CACNA1A: variants seen among roughly 807,000 people sequenced by gnomAD.
CACNA1A encodes voltage-dependent P/Q-type calcium channel subunit alpha-1A.
In CACNA1A, 57 loss-of-function variants were observed where a neutral mutation model predicts 262.4. That is an observed-to-expected ratio of 0.22 (90% CI 0.18 to 0.27). The LOEUF is 0.27. Ranked by LOEUF, CACNA1A falls within the 10% of genes least tolerant of loss-of-function variation. CACNA1A has a pLI of 1.00. For missense variants in CACNA1A, 2,526 were observed against 3,562.8 expected, an observed-to-expected ratio of 0.71 and a Z score of 7.41; for synonymous variants, 1,431 against 1,419.3, an observed-to-expected ratio of 1.01 and a Z score of -0.18.
At chr19:13,266,956 C>G (rs1418586099) in intron 24 of CACNA1A, among the ~76,000 whole-genome samples, 1 of 152,188 alleles carries the variant, frequency 6.6e-6, no homozygotes, top group African/African-American at 2.4e-5. Flanking sequence ...TCTGCAAGAA[C>G]TGGTGGGGCA....
intron 3 of CACNA1A, among the ~76,000 whole-genome samples, chr19:13,446,982 G>C (rs2060827508): frequency 6.6e-6 from 1 of 151,996 alleles, no homozygotes; most frequent in Non-Finnish European, 1.5e-5. Flanking sequence ...AATAAAATTT[G>C]AGCAATGTGC....
intron 24 of CACNA1A, among the ~76,000 whole-genome samples, chr19:13,270,359 A>G (rs2056986029): frequency 7.1e-6 from 1 of 140,490 alleles, no homozygotes; most frequent in South Asian, 2.2e-4. Context: ...CAGAGGACAG[A>G]CAAAGCAAGT....
chr19:13,238,749 C>T (rs991671319), intron 31 of CACNA1A, among the ~76,000 whole-genome samples: 24 of 152,234 alleles, frequency 1.6e-4, no homozygotes, highest in Middle Eastern at 6.8e-3. Flanking sequence ...CCACGCCTGG[C>T]TAATTTTTGT....
At chr19:13,208,722 A>T in intron 46 of CACNA1A, 34 bp downstream of exon 46, 1 of 1,540,356 alleles carries the variant, frequency 6.5e-7, no homozygotes, top group Non-Finnish European at 8.7e-7. Flanking sequence ...CTCCCGGCCG[A>T]GCCCAGCCTG....
chr19:13,253,834 G>A (rs909655442), intron 29 of CACNA1A, among the ~76,000 whole-genome samples: 3 of 152,002 alleles, frequency 2.0e-5, no homozygotes, highest in Admixed American at 6.6e-5. Context: ...CCGCCCCCTG[G>A]GTTCAAGCGA....
chr19:13,275,970 G>A lies in CACNA1A; in HGVS notation c.3883-14C>T. The A allele has an allele frequency of 1.3e-6, 2 of 1,579,892 alleles. No individual in the cohort carries two copies. Among genetic ancestry groups the A allele is most frequent in the Non-Finnish European group, 1.7e-6 (2 of 1,149,306 alleles). ...CAGGTCAATCATCTGTGGGGGAGAAGAGAGGGTGCTCAGAACCCCCACCTG... is the reference window on the plus strand; with the variant it reads ...CAGGTCAATCATCTGTGGGGGAGAAAAGAGGGTGCTCAGAACCCCCACCTG... On this transcript the variant is annotated splice_polypyrimidine_tract_variant and intron_variant, in intron 23 of 46. Coordinates refer to ENST00000360228, the MANE Select transcript of CACNA1A (RefSeq NM_001127222.2).
Position 13,308,300 on chromosome 19 carries a change from G to C in CACNA1A, c.1782-49C>G. Reference sequence around the variant, plus strand: ...ACTCAGGCCAGGCGGGGGAGGCAGGGCCCCGGAGTCAGCCCTCGAAACACG... The same window carrying C: ...ACTCAGGCCAGGCGGGGGAGGCAGGCCCCCGGAGTCAGCCCTCGAAACACG... On this transcript the variant is annotated intron_variant, in intron 13 of 46. Coordinates refer to ENST00000360228, the MANE Select transcript of CACNA1A (RefSeq NM_001127222.2). This position sits in a 1 kb window ranked among gnomAD's most constrained non-coding sequence, Gnocchi z 4.2. 1 of 1,588,346 alleles carries C rather than the reference G, an allele frequency of 6.3e-7. No individual in the cohort carries two copies. The highest frequency in any genetic ancestry group is 8.6e-7 in the Non-Finnish European group (1 of 1,165,044).
chr19:13,211,690 A>G (rs2054817544), intron 43 of CACNA1A: 1 of 220,126 alleles, frequency 4.5e-6, no homozygotes, highest in Non-Finnish European at 9.1e-6. Flanking sequence ...GCACAGCTGC[A>G]CATGTGTGTG....
At chr19:13,503,844 G>A (rs567502859) in intron 1 of CACNA1A, among the ~76,000 whole-genome samples, 6 of 152,112 alleles carry the variant, frequency 3.9e-5, no homozygotes, top group African/African-American at 9.6e-5. Context: ...AGCCCCGGGC[G>A]AGCTGGCCAG....
Position 13,303,861 on chromosome 19 carries a change from G to C in CACNA1A, c.2010C>G (p.Asn670Lys). ...VFQILTGEDWNEVMYDGIKSQ... is the reference protein window; with the variant it reads ...VFQILTGEDWKEVMYDGIKSQ... The stretch of plus-strand genomic sequence containing the variant: ...ACTTGATCCCGTCGTACATGACCTC[G>C]TTCCAGTCTTCGCCCGTCAGGATCT... Residue 670 changes from asparagine to lysine, a missense_variant, in exon 16 of 47, where the codon AAC becomes AAG. This residue lies in a region of CACNA1A where 102 missense variants were observed against 278.9 expected (regional missense o/e 0.37). Transcript: ENST00000360228. The C allele has an allele frequency of 6.2e-7, 1 of 1,613,220 alleles. No individual in the cohort carries two copies. Among genetic ancestry groups the C allele is most frequent in the Non-Finnish European group, 8.5e-7 (1 of 1,179,410 alleles).
At chr19:13,387,537 C>A (rs1232573748) in intron 3 of CACNA1A, among the ~76,000 whole-genome samples, 4 of 152,188 alleles carry the variant, frequency 2.6e-5, no homozygotes, top group Non-Finnish European at 5.9e-5. Context: ...AACTCTGCCA[C>A]CCCACTCACC....
chr19:13,322,478 A>C (rs10415742), intron 10 of CACNA1A, among the ~76,000 whole-genome samples: 30,270 of 152,040 alleles, frequency 0.2, 3,704 homozygotes, highest in East Asian at 0.37. Context: ...TGGGTTTGTG[A>C]CATTTTGTAA....
chr19:13,288,851 A>G (rs1366871014), intron 19 of CACNA1A, among the ~76,000 whole-genome samples: 1 of 152,206 alleles, frequency 6.6e-6, no homozygotes, highest in Non-Finnish European at 1.5e-5. Flanking sequence ...CTAAACTACC[A>G]GCACCATTCT....
chr19:13,209,402 C>G lies in CACNA1A; in HGVS notation c.6436G>C (p.Glu2146Gln). ...CGCTGGTGGTGCCGCTGGTTCTCCT[C>G]GGGCGGGACCCGCTCCAGCGAGTAA... is the stretch of plus-strand genomic sequence containing the variant. Reference protein sequence around the residue: ...DDYSLERVPPEENQRHHQRRR... With the variant: ...DDYSLERVPPQENQRHHQRRR... Residue 2146 changes from glutamate (E) to glutamine (Q), a missense_variant, in exon 45 of 47, where the codon GAG (glutamate) becomes CAG (glutamine). By Grantham distance (29) the Glu-to-Gln change is conservative (BLOSUM62 2). Transcript: ENST00000360228. 7.2e-7 allele frequency: 1 copy of G among 1,396,180 alleles called. No homozygotes were observed. The highest frequency in any genetic ancestry group is 9.3e-7 in the Non-Finnish European group (1 of 1,071,402). 86.5% of individuals were successfully genotyped at this position (1,396,180 alleles called of 1,614,324 possible).
In CACNA1A at chr19:13,227,551, A is replaced by G. The variant is rs755319334; in HGVS notation, c.5529-24T>C. ...CCCTGGCAGCACCGAAAATGAAAAAAACAAAAACAAAAACAAAAAAACAAA... is the reference window on the plus strand; with the variant it reads ...CCCTGGCAGCACCGAAAATGAAAAAGACAAAAACAAAAACAAAAAAACAAA... On this transcript the variant is annotated intron_variant, in intron 36 of 46. Transcript: ENST00000360228. 6 of 1,384,308 alleles carry G rather than the reference A, an allele frequency of 4.3e-6. No individual in the cohort carries two copies. The Middle Eastern group carries it at 7.4e-4, about 170-fold the overall frequency. 85.8% of individuals were successfully genotyped at this position (1,384,308 alleles called of 1,614,324 possible).
chr19:13,236,024 G>C lies in CACNA1A; in HGVS notation c.4951-294C>G. ...GGAAAAGAAAAGAAAAAGAAAGGAG[G>C]AAAAAGGAACGGGGATGGGGAAGAA... On this transcript the variant is annotated intron_variant, in intron 31 of 46. Coordinates refer to ENST00000360228, the MANE Select transcript of CACNA1A (RefSeq NM_001127222.2). The surrounding 1 kb of genome is among the most constrained non-coding windows in gnomAD (Gnocchi z 4.6). 3 of 334,446 alleles carry C rather than the reference G, an allele frequency of 9.0e-6. No homozygotes were observed. The highest frequency in any genetic ancestry group is 5.4e-6 in the Non-Finnish European group (1 of 185,678). The allele number at this position is 334,446 out of a possible 1,614,324, so 20.7% of individuals were successfully genotyped here.
chr19:13,499,165 C>A (rs1982043467), intron 1 of CACNA1A, among the ~76,000 whole-genome samples: 1 of 151,888 alleles, frequency 6.6e-6, no homozygotes, highest in Non-Finnish European at 1.5e-5. Context: ...CTCGACCGGC[C>A]CCAAAGGAAG....
chr19:13,484,281 A>G (rs561157607), intron 1 of CACNA1A, among the ~76,000 whole-genome samples: 113 of 152,280 alleles, frequency 7.4e-4, no homozygotes, highest in African/African-American at 2.7e-3. Context: ...TGTTGTTAAT[A>G]AACAGTCATT....
intron 1 of CACNA1A, among the ~76,000 whole-genome samples, chr19:13,488,025 C>T (rs1291347178): frequency 1.3e-5 from 2 of 152,028 alleles, no homozygotes; most frequent in African/African-American, 4.8e-5. Context: ...AGCAATCCTC[C>T]CATTTCAGCG....
Sources: gnomAD v4.1 joint callset for allele counts (sites outside exome capture counted in the v4.1 genomes callset) on GRCh38, gnomAD v4.1.1 for gene constraint, gnomAD v4.1.1 regional missense constraint, Gnocchi (gnomAD v3.1) non-coding constraint, MANE v1.5 for transcripts, NCBI Gene and HGNC (gene_info 2026-07-23, HGNC 2026-07-21) for gene names.